The following CHODL variants were observed in gnomAD, a reference collection of about 807,000 sequenced individuals.
CHODL encodes transmembrane protein MT75.
In CHODL, 29 loss-of-function variants were observed where a neutral mutation model predicts 34.5. That is an observed-to-expected ratio of 0.84 (90% confidence interval 0.63 to 1.15). The LOEUF (loss-of-function observed/expected upper bound fraction) is 1.15. Ranked by LOEUF, CHODL falls within the 50% of genes most tolerant of loss-of-function variation. The pLI is 0.00. For missense variants in CHODL, 332 were observed against 332.5 expected (o/e 1.00, Z 0.01); for synonymous variants, 125 against 116.1 (o/e 1.08, Z -0.49).
chr21:18,067,351 A>T (rs1809788877), intron 2 of CHODL, among the ~76,000 whole-genome samples: 1 of 152,230 alleles, frequency 6.6e-6, no homozygotes, highest in African/African-American at 2.4e-5. Context: ...GTGAGTGTTC[A>T]TCCAATATGA....
rs199891121 is a variant in CHODL, at chr21:18,256,581, G to A, written c.152G>A (p.Arg51Gln). 1.1e-5 allele frequency: 18 copies of A among 1,613,716 alleles called. No homozygotes were observed. Among genetic ancestry groups the A allele is most frequent in the East Asian group, 6.7e-5 (3 of 44,866 alleles). Reference sequence around the variant, plus strand: ...GCCTACTTCCATGAACTGTCCAGCCGAGTGAGCTTTCAGGAGGCACGCCTG... The same window carrying A: ...GCCTACTTCCATGAACTGTCCAGCCAAGTGAGCTTTCAGGAGGCACGCCTG... The part of the protein sequence containing the change: ...KMAYFHELSS[R>Q]VSFQEARLAC... Residue 51 changes from arginine (R) to glutamine (Q), a missense_variant, in exon 2 of 6, where the codon CGA becomes CAA. Transcript: ENST00000299295.
chr21:18,050,973 GA>G, intron 2 of CHODL, among the ~76,000 whole-genome samples: 1 of 151,120 alleles, frequency 6.6e-6, no homozygotes, highest in East Asian at 2.0e-4. Context: ...TACATGTGCA[GA>G]ACGTGTAGGT....
intron 2 of CHODL, among the ~76,000 whole-genome samples, chr21:18,229,915 A>G (rs2073963879): frequency 6.6e-6 from 1 of 152,132 alleles, no homozygotes; most frequent in African/African-American, 2.4e-5. Flanking sequence ...GGTCACCTAC[A>G]TTTGGCCCCA....
intron 2 of CHODL, among the ~76,000 whole-genome samples, chr21:18,144,338 G>T (rs1260610442): frequency 1.3e-5 from 2 of 152,106 alleles, no homozygotes; most frequent in Non-Finnish European, 2.9e-5. Context: ...AGAATATTGT[G>T]TTAGGGTACA....
intron 1 of CHODL, among the ~76,000 whole-genome samples, chr21:18,009,444 A>G (rs1445200773): frequency 6.6e-6 from 1 of 152,194 alleles, no homozygotes; most frequent in Non-Finnish European, 1.5e-5. Flanking sequence ...GGGCTATAAA[A>G]TAGAAGTTAC....
chr21:17,989,128 T>C (rs2063777832), intron 1 of CHODL, among the ~76,000 whole-genome samples: 1 of 152,194 alleles, frequency 6.6e-6, no homozygotes, highest in African/African-American at 2.4e-5. Flanking sequence ...TAGTCCATGA[T>C]GTACTATGTT....
chr21:18,134,096 T>A (rs1157992864), intron 2 of CHODL, among the ~76,000 whole-genome samples: 1 of 152,214 alleles, frequency 6.6e-6, no homozygotes, highest in African/African-American at 2.4e-5. Flanking sequence ...TACACAATGA[T>A]GAACAAAAGT....
At chr21:17,944,312 A>G (rs2063388519) in intron 1 of CHODL, among the ~76,000 whole-genome samples, 4 of 152,244 alleles carry the variant, frequency 2.6e-5, no homozygotes, top group African/African-American at 9.6e-5. Context: ...AGCCTAACCC[A>G]GAAAGGCAAG....
At chr21:18,069,756 C>T (rs974656540) in intron 2 of CHODL, among the ~76,000 whole-genome samples, 25 of 151,992 alleles carry the variant, frequency 1.6e-4, no homozygotes, top group Admixed American at 2.0e-4. Flanking sequence ...ATATGTTCTA[C>T]GGCTTAGAAC....
chr21:18,157,405 A>G (rs1043063903), intron 2 of CHODL, among the ~76,000 whole-genome samples: 2 of 152,258 alleles, frequency 1.3e-5, no homozygotes, highest in African/African-American at 4.8e-5. Context: ...ACATATTCTG[A>G]TAACAGTGAT....
chr21:17,958,703 G>A (rs1401651851), intron 1 of CHODL, among the ~76,000 whole-genome samples: 1 of 152,160 alleles, frequency 6.6e-6, no homozygotes, highest in Non-Finnish European at 1.5e-5. Context: ...TAAGATGGTA[G>A]TTTTGTCTAA....
intron 2 of CHODL, among the ~76,000 whole-genome samples, chr21:18,144,179 T>G (rs2072836922): frequency 6.6e-6 from 1 of 152,170 alleles, no homozygotes; most frequent in African/African-American, 2.4e-5. Context: ...TTTAAATTTC[T>G]GGGGTCATTT....
chr21:17,975,023 T>C (rs1372875374), intron 1 of CHODL, among the ~76,000 whole-genome samples: 4 of 151,682 alleles, frequency 2.6e-5, no homozygotes, highest in Non-Finnish European at 2.9e-5. Context: ...TATTTGAAGT[T>C]GCGTTTAAAA....
chr21:18,223,625 A>G (rs2146743511), intron 2 of CHODL, among the ~76,000 whole-genome samples: 1 of 152,266 alleles, frequency 6.6e-6, no homozygotes, highest in African/African-American at 2.4e-5. Flanking sequence ...GCACAAGGTG[A>G]TTTGCAGTAG....
At chr21:18,090,129 G>C (rs1255957327) in intron 2 of CHODL, among the ~76,000 whole-genome samples, 1 of 152,204 alleles carries the variant, frequency 6.6e-6, no homozygotes, top group Admixed American at 6.5e-5. Context: ...GCTTAGACAT[G>C]TAACAGTTTA....
chr21:18,224,903 C>A (rs796356438), intron 2 of CHODL, among the ~76,000 whole-genome samples: 3 of 151,786 alleles, frequency 2.0e-5, no homozygotes, highest in African/African-American at 4.8e-5. Context: ...TTCATCAGGG[C>A]GGCCTTAGGG....
chr21:18,206,806 A>G (rs1379633304), intron 2 of CHODL, among the ~76,000 whole-genome samples: 1 of 149,906 alleles, frequency 6.7e-6, no homozygotes, highest in Non-Finnish European at 1.5e-5. Context: ...TTGTCTATAC[A>G]TTGTATGTTT....
At chr21:18,251,068 A>G (rs1390323038) in intron 1 of CHODL, among the ~76,000 whole-genome samples, 2 of 151,634 alleles carry the variant, frequency 1.3e-5, no homozygotes, top group Non-Finnish European at 2.9e-5. Flanking sequence ...CAAAAAGAAA[A>G]CCAAATTATA....
At chr21:17,969,682 CTTCT>C (rs1405863638) in intron 1 of CHODL, among the ~76,000 whole-genome samples, 3 of 152,154 alleles carry the variant, frequency 2.0e-5, no homozygotes, top group Non-Finnish European at 4.4e-5. Flanking sequence ...CTTGTCCTCT[CTTCT>C]TTCTGAATCC....
Sources: gnomAD v4.1 joint callset for allele counts (sites outside exome capture counted in the v4.1 genomes callset) on GRCh38, gnomAD v4.1.1 for gene constraint, MANE v1.5 for transcripts, NCBI Gene and HGNC (gene_info 2026-07-23, HGNC 2026-07-21) for gene names.